RTN1: variants seen among roughly 807,000 people sequenced by gnomAD.
RTN1 encodes reticulon 1, also known as reticulon-1.
RTN1 carries 25 observed loss-of-function variants against 65.5 expected under a neutral mutation model. The ratio of observed to expected loss-of-function variants is 0.38; its 90% confidence interval spans 0.28 to 0.53. RTN1 has a LOEUF of 0.53. RTN1 is among the 20% of genes least tolerant of loss of function. RTN1 has a pLI of 0.79. For synonymous variants in RTN1, 471 were observed against 447.6 expected (o/e 1.05, Z -0.66); for missense variants, 983 against 1,025.4 (o/e 0.96, Z 0.57).
chr14:59,833,810 A>G (rs1324569146), intron 1 of RTN1, among the ~76,000 whole-genome samples: 1 of 152,238 alleles, frequency 6.6e-6, no homozygotes, highest in African/African-American at 2.4e-5. Flanking sequence ...ACAAACAATA[A>G]GAAAGGTCAC....
intron 3 of RTN1, among the ~76,000 whole-genome samples, chr14:59,682,322 A>T (rs1218465267): frequency 1.3e-5 from 2 of 152,072 alleles, no homozygotes; most frequent in Non-Finnish European, 2.9e-5. Flanking sequence ...TCTTCTCATG[A>T]TTATTTTATT....
intron 1 of RTN1, among the ~76,000 whole-genome samples, chr14:59,818,155 G>C (rs1886855911): frequency 1.3e-5 from 2 of 152,158 alleles, no homozygotes; most frequent in African/African-American, 4.8e-5. Context: ...ATTCACTTAG[G>C]ATAATAGCCT....
chr14:59,618,052 C>T (rs556815414), intron 3 of RTN1, among the ~76,000 whole-genome samples: 2 of 147,092 alleles, frequency 1.4e-5, no homozygotes, highest in South Asian at 4.2e-4. Context: ...ACTTAACTAA[C>T]TCCATCTTGC....
chr14:59,839,160 C>T (rs1471220588), intron 1 of RTN1, among the ~76,000 whole-genome samples: 1 of 152,132 alleles, frequency 6.6e-6, no homozygotes, highest in Non-Finnish European at 1.5e-5. Flanking sequence ...CAAGTGAATT[C>T]ATTTGAATAG....
intron 1 of RTN1, among the ~76,000 whole-genome samples, chr14:59,854,387 A>C (rs988920095): frequency 2.0e-5 from 3 of 152,030 alleles, no homozygotes; most frequent in Non-Finnish European, 4.4e-5. Flanking sequence ...TCACACCTGT[A>C]ATCCCAGCAC....
Position 59,605,592 on chromosome 14 carries a change from T to C in RTN1, c.1974-86A>G, listed in dbSNP as rs1881717049. On this transcript the variant is annotated intron_variant, in intron 4 of 8. Transcript: ENST00000267484. ...AACCCCAGTAACAGCTAAGCGTTCCTACTCTCACTCTGAGGGTGAGAGCAG... is the reference window on the plus strand; with the variant it reads ...AACCCCAGTAACAGCTAAGCGTTCCCACTCTCACTCTGAGGGTGAGAGCAG... The C allele has an allele frequency of 4.8e-5, 69 of 1,429,676 alleles. No homozygotes were observed. The South Asian group carries it at 8.3e-4, about 17-fold the overall frequency. 88.6% of individuals were successfully genotyped at this position (1,429,676 alleles called of 1,614,324 possible). A position where few individuals can be genotyped will look rare whatever the true frequency, so the allele number is the denominator to read the frequency against.
intron 3 of RTN1, among the ~76,000 whole-genome samples, chr14:59,673,588 G>A (rs1316917371): frequency 2.0e-5 from 3 of 152,186 alleles, no homozygotes; most frequent in Admixed American, 2.0e-4. Flanking sequence ...GACTGAGTCT[G>A]GGGTTTTTAT....
rs1228908668 is a variant in RTN1 at position 59,749,248 on chromosome 14, C to CTATATATATCTATATA, written c.242-2768_242-2767insTATATAGATATATATA. Among the ~76,000 whole-genome samples the CTATATATATCTATATA allele has an allele frequency of 1.2e-4, 4 of 32,064 alleles. 2 individuals carry two copies. The highest frequency in any genetic ancestry group is 8.6e-4 in the African/African-American group (4 of 4,674). The allele number at this position is 32,064 out of a possible 152,430, so 21.0% of individuals were successfully genotyped here. ...TATATCTATATATATCTATATATAT[C>CTATATATATCTATATA]TATATATCTATATATATCTATATAT... On this transcript the variant is annotated intron_variant, in intron 1 of 8. Coordinates refer to ENST00000267484, the MANE Select transcript of RTN1 (RefSeq NM_021136.3).
At chr14:59,799,125 A>T (rs1457789501) in intron 1 of RTN1, among the ~76,000 whole-genome samples, 1 of 152,220 alleles carries the variant, frequency 6.6e-6, no homozygotes, top group Non-Finnish European at 1.5e-5. Context: ...CGCTACATGC[A>T]AGTTAGGGTA....
Position 59,870,775 on chromosome 14 carries a change from A to G in RTN1, c.-145T>C. 1.2e-6 allele frequency: 1 copy of G among 859,350 alleles called. No homozygotes were observed. Among genetic ancestry groups the G allele is most frequent in the African/African-American group, 1.8e-5 (1 of 55,234 alleles). 53.2% of individuals were successfully genotyped at this position (859,350 alleles called of 1,614,324 possible). On this transcript the variant is annotated 5_prime_UTR_variant, in exon 1 of 9. Coordinates refer to ENST00000267484, the MANE Select transcript of RTN1 (RefSeq NM_021136.3). This position sits in a 1 kb window ranked among gnomAD's most constrained non-coding sequence, Gnocchi z 5.1. ...CAGCGTCGCCGCCGCCTCTGCTGCA[A>G]CTCCGCCGAGCCGCTGCCTGCCGCT...
At chr14:59,664,573 A>T (rs1351624203) in intron 3 of RTN1, among the ~76,000 whole-genome samples, 5 of 152,324 alleles carry the variant, frequency 3.3e-5, no homozygotes, top group East Asian at 1.9e-4. Context: ...TCAATTAAGA[A>T]ATCAGTAACA....
At chr14:59,654,332 G>T (rs1883077962) in intron 3 of RTN1, among the ~76,000 whole-genome samples, 1 of 151,666 alleles carries the variant, frequency 6.6e-6, no homozygotes, top group Non-Finnish European at 1.5e-5. Flanking sequence ...GGAGGCTGAG[G>T]CAGGAGAATT....
chr14:59,798,221 C>A (rs1207982849), intron 1 of RTN1, among the ~76,000 whole-genome samples: 1 of 152,106 alleles, frequency 6.6e-6, no homozygotes, highest in East Asian at 1.9e-4. Flanking sequence ...CAAACAAGTA[C>A]AATATTATTC....
At chr14:59,854,297 C>T (rs1427679735) in intron 1 of RTN1, among the ~76,000 whole-genome samples, 2 of 152,140 alleles carry the variant, frequency 1.3e-5, no homozygotes, top group Non-Finnish European at 2.9e-5. Context: ...GATAGGTTTT[C>T]ATGCAAGCTA....
chr14:59,842,999 A>G (rs1011038693), intron 1 of RTN1, among the ~76,000 whole-genome samples: 4 of 152,220 alleles, frequency 2.6e-5, no homozygotes, highest in African/African-American at 9.6e-5. Context: ...TACTCAAGAG[A>G]AATGTTTCCA....
At chr14:59,743,602 G>C (rs1885156393) in intron 2 of RTN1, among the ~76,000 whole-genome samples, 1 of 152,044 alleles carries the variant, frequency 6.6e-6, no homozygotes, top group African/African-American at 2.4e-5. Context: ...CTGGAGCCTT[G>C]GTTTTCTGAT....
At chr14:59,859,219 C>A (rs1594770157) in intron 1 of RTN1, among the ~76,000 whole-genome samples, 1 of 152,116 alleles carries the variant, frequency 6.6e-6, no homozygotes, top group African/African-American at 2.4e-5. Context: ...ATCTTGAATT[C>A]CCACGTGTTG....
intron 1 of RTN1, among the ~76,000 whole-genome samples, chr14:59,840,046 T>G (rs545283533): frequency 6.6e-6 from 1 of 152,282 alleles, no homozygotes; most frequent in Non-Finnish European, 1.5e-5. Context: ...TTTCTTACTC[T>G]TCCACTTCTG....
intron 3 of RTN1, among the ~76,000 whole-genome samples, chr14:59,626,149 T>C (rs1469547961): frequency 6.6e-6 from 1 of 152,198 alleles, no homozygotes; most frequent in African/African-American, 2.4e-5. Flanking sequence ...CCCAAAGGCA[T>C]GCTTTTTTTC....
Sources: allele counts gnomAD v4.1 joint callset (sites outside exome capture counted in the v4.1 genomes callset), GRCh38; gene constraint gnomAD v4.1.1; non-coding constraint Gnocchi (gnomAD v3.1); transcripts MANE v1.5; gene names NCBI Gene and HGNC (gene_info 2026-07-23, HGNC 2026-07-21).